PDE2A: variants seen among roughly 807,000 people sequenced by gnomAD.
PDE2A encodes phosphodiesterase 2A.
PDE2A carries 53 observed loss-of-function variants against 133.6 expected under a neutral mutation model. The ratio of observed to expected loss-of-function variants is 0.40; its 90% CI spans 0.32 to 0.50. The LOEUF (loss-of-function observed/expected upper bound fraction) is 0.50. Among genes scored for constraint, PDE2A ranks in the 20% least tolerant of loss-of-function variants. The probability of loss-of-function intolerance (pLI) is 0.73; values close to 1 mark genes in which losing one functional copy is unlikely to be tolerated. For missense variants in PDE2A, 796 were observed against 1,232.4 expected (o/e 0.65, Z 5.30); for synonymous variants, 491 against 490.2 (o/e 1.00, Z -0.02).
intron 2 of PDE2A, among the ~76,000 whole-genome samples, chr11:72,614,665 G>A (rs959948171): frequency 3.0e-4 from 45 of 152,166 alleles, no homozygotes; most frequent in African/African-American, 9.4e-4. Context: ...ACCACACCTC[G>A]AGACCCACTG....
chr11:72,611,842 T>C (rs1461346168), intron 2 of PDE2A, among the ~76,000 whole-genome samples: 1 of 152,186 alleles, frequency 6.6e-6, no homozygotes, highest in African/African-American at 2.4e-5. Flanking sequence ...ATCTCCTCCA[T>C]GAATCTTCCT....
intron 2 of PDE2A, among the ~76,000 whole-genome samples, chr11:72,641,511 G>T (rs891894814): frequency 2.0e-5 from 3 of 152,196 alleles, no homozygotes; most frequent in African/African-American, 7.2e-5. Context: ...GGCACATGGG[G>T]CAACAGACCA....
chr11:72,582,604 C>A, intron 20 of PDE2A, 38 bp from the exon 21 acceptor site: 1 of 1,582,650 alleles, frequency 6.3e-7, no homozygotes, highest in South Asian at 1.1e-5. Flanking sequence ...AGACAGCCTT[C>A]ACCCCATCTG....
intron 1 of PDE2A, among the ~76,000 whole-genome samples, chr11:72,648,339 C>T (rs914124125): frequency 2.6e-5 from 4 of 152,156 alleles, no homozygotes; most frequent in Non-Finnish European, 4.4e-5. Flanking sequence ...GCTCTGTGTC[C>T]GCTGGCTATG....
intron 1 of PDE2A, chr11:72,669,141 C>T: frequency 5.6e-6 from 1 of 179,932 alleles, no homozygotes; most frequent in Non-Finnish European, 1.1e-5. Context: ...AAGTAACTTG[C>T]CCAGGACCAC....
chr11:72,579,864 T>G (rs1266493644), intron 25 of PDE2A: 9 of 473,424 alleles, frequency 1.9e-5, no homozygotes, highest in East Asian at 1.6e-4. Flanking sequence ...AGGTAAGCTC[T>G]GGGGTCCCTG....
chr11:72,590,417 G>C lies in PDE2A; in HGVS notation c.703+10C>G. On this transcript the variant is annotated intron_variant, in intron 8 of 30. Coordinates refer to ENST00000334456, the MANE Select transcript of PDE2A (RefSeq NM_002599.5). The surrounding 1 kb of genome is among the most constrained non-coding windows in gnomAD (Gnocchi z 4.8). ...CCCGCCCTCGTGACCTGTCCAGGCCGGGCCCTCACCGCACAGTTGGAGGAT... is the reference window on the plus strand; with the variant it reads ...CCCGCCCTCGTGACCTGTCCAGGCCCGGCCCTCACCGCACAGTTGGAGGAT... 3.8e-6 allele frequency: 6 copies of C among 1,573,376 alleles called. No homozygotes were observed. Among genetic ancestry groups the C allele is most frequent in the Non-Finnish European group, 5.2e-6 (6 of 1,160,528 alleles).
intron 10 of PDE2A, 25 bp downstream of exon 10, chr11:72,589,882 C>T (rs1565154887): frequency 6.2e-7 from 1 of 1,610,504 alleles, no homozygotes; most frequent in South Asian, 1.1e-5. Flanking sequence ...CCCGCCCCCG[C>T]TCTACAGTGG....
At chr11:72,640,170 C>T (rs751582300) in intron 2 of PDE2A, among the ~76,000 whole-genome samples, 1 of 151,846 alleles carries the variant, frequency 6.6e-6, no homozygotes, top group Admixed American at 6.6e-5. Context: ...ACACTCACAC[C>T]GTCTCCCACC....
intron 16 of PDE2A, 168 bp from the exon 17 acceptor site, chr11:72,585,112 TTG>T (rs1265072841): frequency 2.4e-4 from 137 of 574,256 alleles, no homozygotes; most frequent in African/African-American, 5.8e-4. Flanking sequence ...TTCAAGTGTT[TTG>T]TTTTTTTTTT....
In PDE2A at chr11:72,597,721, G is replaced by T; in HGVS notation, c.324-102C>A. The T allele has an allele frequency of 1.3e-6, 1 of 740,990 alleles. No individual in the cohort carries two copies. Among genetic ancestry groups the T allele is most frequent in the Non-Finnish European group, 2.3e-6 (1 of 440,482 alleles). 45.9% of individuals were successfully genotyped at this position (740,990 alleles called of 1,614,324 possible). On this transcript the variant is annotated intron_variant, in intron 4 of 30. Transcript: ENST00000334456. This position sits in a 1 kb window ranked among gnomAD's most constrained non-coding sequence, Gnocchi z 4.6. ...AGTTTGGACCCTGCACATGTGCAAG[G>T]ATCTGGGCAAGCTGACCTGCCTCAG...
intron 2 of PDE2A, among the ~76,000 whole-genome samples, chr11:72,612,287 ACACACAC>A (rs1857245574): frequency 1.9e-5 from 2 of 106,706 alleles, no homozygotes; most frequent in African/African-American, 6.6e-5. Context: ...ACACACACAC[ACACACAC>A]ACACACACAC....
intron 6 of PDE2A, among the ~76,000 whole-genome samples, chr11:72,594,867 C>T (rs1856400308): frequency 6.6e-6 from 1 of 152,160 alleles, no homozygotes; most frequent in Non-Finnish European, 1.5e-5. Flanking sequence ...CACCTGCTGG[C>T]AACAGTATTT....
At chr11:72,589,643 G>C (rs2135302841) in intron 11 of PDE2A, 108 bp downstream of exon 11, 1 of 928,310 alleles carries the variant, frequency 1.1e-6, no homozygotes, top group Non-Finnish European at 1.7e-6. Context: ...AATTCCATCG[G>C]ATTCCAAGAG....
intron 1 of PDE2A, 125 bp from the exon 2 acceptor site, chr11:72,642,451 C>T: frequency 3.6e-6 from 4 of 1,102,082 alleles, no homozygotes; most frequent in Non-Finnish European, 4.5e-6. Flanking sequence ...TTCGCCTGGT[C>T]CGCCCGAGTG....
chr11:72,577,970 T>G (rs781726215), intron 30 of PDE2A, among the ~76,000 whole-genome samples: 10 of 151,956 alleles, frequency 6.6e-5, no homozygotes, highest in Non-Finnish European at 1.5e-4. Flanking sequence ...AGACTCCATC[T>G]CAAAAAAAAC....
chr11:72,589,856 G>C, intron 10 of PDE2A, 51 bp downstream of exon 10: 1 of 1,607,914 alleles, frequency 6.2e-7, no homozygotes, highest in Non-Finnish European at 8.5e-7. Flanking sequence ...TCGGAGACCC[G>C]AGTTCCTCGC....
At chr11:72,584,475 T>C in intron 18 of PDE2A, 76 bp downstream of exon 18, 1 of 1,480,348 alleles carries the variant, frequency 6.8e-7, no homozygotes, top group Non-Finnish European at 9.2e-7. Context: ...GGTGGGGAAG[T>C]GTTGCCACCC....
chr11:72,634,449 G>A (rs544780807), intron 2 of PDE2A, among the ~76,000 whole-genome samples: 48 of 152,334 alleles, frequency 3.2e-4, no homozygotes, highest in African/African-American at 1.2e-3. Context: ...ACCCAGGACT[G>A]GGAATCAGGA....
Sources: gnomAD v4.1 joint callset for allele counts (sites outside exome capture counted in the v4.1 genomes callset) on GRCh38, gnomAD v4.1.1 for gene constraint, Gnocchi (gnomAD v3.1) non-coding constraint, MANE v1.5 for transcripts, NCBI Gene and HGNC (gene_info 2026-07-23, HGNC 2026-07-21) for gene names.